NFATC3: variants seen among roughly 807,000 people sequenced by gnomAD.
The protein encoded by NFATC3 is nuclear factor of activated T-cells, cytoplasmic 3.
Under a neutral mutation model 98.6 loss-of-function variants are expected in NFATC3, and 46 were observed. The ratio of observed to expected loss-of-function variants is 0.47; its 90% confidence interval spans 0.37 to 0.60. The LOEUF (loss-of-function observed/expected upper bound fraction) is 0.60, where lower values mean the gene tolerates loss of function less well. Among genes scored for constraint, NFATC3 ranks in the 20% least tolerant of loss-of-function variants. The pLI is 0.00. For missense variants in NFATC3, 1,256 were observed against 1,295.5 expected, an observed-to-expected ratio of 0.97 and a Z score of 0.47; for synonymous variants, 512 against 472.2, an observed-to-expected ratio of 1.08 and a Z score of -1.09.
chr16:68,098,411 C>T lies in NFATC3; in HGVS notation c.103+12627C>T, dbSNP rs182366456. ...CCAACTCCCTCGTTCAAGTTGTTCTCCTGCCTCAGCCTCCCGAGTAGCTGG... is the reference window on the plus strand; with the variant it reads ...CCAACTCCCTCGTTCAAGTTGTTCTTCTGCCTCAGCCTCCCGAGTAGCTGG... On this transcript the variant is annotated intron_variant, in intron 1 of 9. Coordinates refer to ENST00000346183, the MANE Select transcript of NFATC3 (RefSeq NM_173165.3). Among the ~76,000 whole-genome samples the T allele has an allele frequency of 2.6e-4, 39 of 150,412 alleles. 1 individual carries two copies. The highest frequency in any genetic ancestry group is 2.5e-3 in the Admixed American group (38 of 15,028).
At position 68,122,890 on chromosome 16, in the gene NFATC3, T is replaced by A; in HGVS notation, c.1007T>A (p.Ile336Asn). The stretch of plus-strand genomic sequence containing the variant: ...TTTCAGTACTGTGTAGAGACTGACA[T>A]CCCTCTCAAAACAAGGAAAACTTCT... Reference protein sequence around the residue: ...FPFQYCVETDIPLKTRKTSED... With the variant: ...FPFQYCVETDNPLKTRKTSED... Residue 336 changes from isoleucine to asparagine, a missense_variant, in exon 2 of 10, where the codon ATC (isoleucine) becomes AAC (asparagine). Physicochemically the swap from Ile to Asn is moderately radical, Grantham distance 149. Transcript: ENST00000346183. The A allele has an allele frequency of 6.2e-7, 1 of 1,614,184 alleles. No individual in the cohort carries two copies. Among genetic ancestry groups the A allele is most frequent in the South Asian group, 1.1e-5 (1 of 91,082 alleles).
In NFATC3 at chr16:68,174,462, T is replaced by A; in HGVS notation, c.1863T>A (p.Thr621=). 1 of 1,605,020 alleles carries A rather than the reference T, an allele frequency of 6.2e-7. No homozygotes were observed. Among genetic ancestry groups the A allele is most frequent in the South Asian group, 1.1e-5 (1 of 88,734 alleles). The stretch of plus-strand genomic sequence containing the variant: ...ATGGAGGTCATGAAATGGTTGTGAC[T>A]GGATCTAATTTTCTTCCAGAATCCA... ...SVNGGHEMVV[T]GSNFLPESKI... is the part of the protein sequence containing the mutation. Residue 621 remains threonine (T), a synonymous_variant, in exon 6 of 10, where the codon ACT becomes ACA. Transcript: ENST00000346183.
At chr16:68,145,446 T>C (rs1430220725) in intron 3 of NFATC3, among the ~76,000 whole-genome samples, 1 of 152,194 alleles carries the variant, frequency 6.6e-6, no homozygotes, top group Non-Finnish European at 1.5e-5. Context: ...CACGCCCTGC[T>C]GCACTTTATT....
chr16:68,221,368 C>T, intron 9 of NFATC3: 2 of 1,570,594 alleles, frequency 1.3e-6, no homozygotes, highest in Non-Finnish European at 1.7e-6. Context: ...TAACACTCGG[C>T]TCAAGTTATT....
chr16:68,120,952 A>G (rs1367693269), intron 1 of NFATC3, among the ~76,000 whole-genome samples: 1 of 152,056 alleles, frequency 6.6e-6, no homozygotes, highest in Non-Finnish European at 1.5e-5. Flanking sequence ...ACTTTTTTTC[A>G]TTCACCGAAT....
At chr16:68,161,511 C>T (rs2038892662) in intron 4 of NFATC3, among the ~76,000 whole-genome samples, 1 of 152,120 alleles carries the variant, frequency 6.6e-6, no homozygotes, top group Admixed American at 6.5e-5. Flanking sequence ...TGCGTGTGTG[C>T]ATGCACACAC....
At chr16:68,173,216 TGCC>T (rs2039545678) in intron 5 of NFATC3, among the ~76,000 whole-genome samples, 1 of 151,876 alleles carries the variant, frequency 6.6e-6, no homozygotes, top group South Asian at 2.1e-4. Context: ...GAGCTGATCA[TGCC>T]ACACTGGGCA....
At chr16:68,147,612 A>G (rs549241515) in intron 3 of NFATC3, among the ~76,000 whole-genome samples, 1 of 152,372 alleles carries the variant, frequency 6.6e-6, no homozygotes, top group East Asian at 1.9e-4. Flanking sequence ...CTTGATGAAC[A>G]GTTGGTCATG....
chr16:68,206,328 C>T (rs2041142609), intron 9 of NFATC3, among the ~76,000 whole-genome samples: 1 of 152,050 alleles, frequency 6.6e-6, no homozygotes, highest in African/African-American at 2.4e-5. Flanking sequence ...GTATAACCAC[C>T]ACCACTTTCT....
chr16:68,226,276 A>G, intron 9 of NFATC3, 74 bp from the exon 10 acceptor site: 2 of 1,476,596 alleles, frequency 1.4e-6, no homozygotes, highest in Non-Finnish European at 1.8e-6. Context: ...TGTCTGAGGT[A>G]GAGCTCAGCG....
At chr16:68,218,391 A>G (rs1405397301) in intron 9 of NFATC3, among the ~76,000 whole-genome samples, 2 of 151,224 alleles carry the variant, frequency 1.3e-5, no homozygotes, top group Non-Finnish European at 2.9e-5. Context: ...CCTGGGCAAC[A>G]TGGCAAACCC....
Position 68,122,930 on chromosome 16 carries a change from C to G in NFATC3, c.1047C>G (p.Ala349=). 6.2e-7 allele frequency: 1 copy of G among 1,614,196 alleles called. No individual in the cohort carries two copies. Among genetic ancestry groups the G allele is most frequent in the Non-Finnish European group, 8.5e-7 (1 of 1,180,030 alleles). Residue 349 remains alanine (A), a synonymous_variant, in exon 2 of 10, where the codon GCC becomes GCG. Transcript: ENST00000346183. ...KTRKTSEDQA[A]ILPGKLELCS... The stretch of plus-strand genomic sequence containing the variant: ...GGAAAACTTCTGAAGATCAAGCTGC[C>G]ATACTACCAGGAAAATTAGAGCTGT...
chr16:68,178,317 A>C (rs1193724371), intron 6 of NFATC3, among the ~76,000 whole-genome samples: 1 of 152,140 alleles, frequency 6.6e-6, no homozygotes, highest in Non-Finnish European at 1.5e-5. Flanking sequence ...CTTCTCTTTG[A>C]GCTGGAAGTA....
intron 5 of NFATC3, among the ~76,000 whole-genome samples, chr16:68,169,077 A>G (rs1014287016): frequency 6.6e-6 from 1 of 152,094 alleles, no homozygotes; most frequent in Non-Finnish European, 1.5e-5. Flanking sequence ...GAGCTACCAC[A>G]TTCAGCCTAT....
At chr16:68,205,602 T>TA (rs1196007729) in intron 9 of NFATC3, among the ~76,000 whole-genome samples, 5 of 152,186 alleles carry the variant, frequency 3.3e-5, no homozygotes, top group East Asian at 1.9e-4. Flanking sequence ...TATACATAGT[T>TA]AAAAAAAATC....
chr16:68,171,937 C>T (rs1054056666), intron 5 of NFATC3, among the ~76,000 whole-genome samples: 4 of 151,924 alleles, frequency 2.6e-5, no homozygotes, highest in Non-Finnish European at 5.9e-5. Flanking sequence ...TACAGGCGTG[C>T]ACCACCACAC....
rs2042044918 is a variant in NFATC3, at chr16:68,226,793, T to C, written c.*322T>C. The C allele has an allele frequency of 5.4e-6, 1 of 186,568 alleles. No individual in the cohort carries two copies. Among genetic ancestry groups the C allele is most frequent in the Admixed American group, 6.2e-5 (1 of 16,108 alleles). The allele number at this position is 186,568 out of a possible 1,614,324, so 11.6% of individuals were successfully genotyped here. On this transcript the variant is annotated 3_prime_UTR_variant, in exon 10 of 10. Coordinates refer to ENST00000346183, the MANE Select transcript of NFATC3 (RefSeq NM_173165.3). Reference sequence around the variant, plus strand: ...CTGCTTTTGCAGGTGACCTGGTTACTTAGCTAGGATTGGTGATTTGTACTG... The same window carrying C: ...CTGCTTTTGCAGGTGACCTGGTTACCTAGCTAGGATTGGTGATTTGTACTG...
At chr16:68,168,920 G>A (rs1211224247) in intron 5 of NFATC3, among the ~76,000 whole-genome samples, 1 of 152,122 alleles carries the variant, frequency 6.6e-6, no homozygotes, top group Non-Finnish European at 1.5e-5. Flanking sequence ...TGAATTAGCT[G>A]TAGAACTAAT....
At chr16:68,206,447 C>T (rs1423862536) in intron 9 of NFATC3, among the ~76,000 whole-genome samples, 1 of 152,150 alleles carries the variant, frequency 6.6e-6, no homozygotes, top group African/African-American at 2.4e-5. Context: ...CTTTCTGTCT[C>T]TATGAATTTC....
Sources: gnomAD v4.1 joint callset for allele counts (sites outside exome capture counted in the v4.1 genomes callset) on GRCh38, gnomAD v4.1.1 for gene constraint, MANE v1.5 for transcripts, NCBI Gene and HGNC (gene_info 2026-07-23, HGNC 2026-07-21) for gene names.